Variants in FASTKD3 observed in about 807,000 individuals in gnomAD.
FASTKD3 encodes FAST kinase domain-containing protein 3, mitochondrial.
A neutral mutation model predicts 49.7 loss-of-function variants in FASTKD3; 47 were observed. That is an observed-to-expected ratio of 0.95 (90% confidence interval 0.75 to 1.21). The LOEUF (loss-of-function observed/expected upper bound fraction) is 1.21, where lower values mean the gene tolerates loss of function less well. Ranked by LOEUF, FASTKD3 falls within the 50% of genes most tolerant of loss-of-function variation. FASTKD3 has a pLI of 0.00. For synonymous variants in FASTKD3, 284 were observed against 288.6 expected (o/e 0.98, Z 0.16); for missense variants, 748 against 765.7 (o/e 0.98, Z 0.27).
intron 3 of FASTKD3, among the ~76,000 whole-genome samples, chr5:7,864,481 A>G (rs1746791117): frequency 6.6e-6 from 1 of 152,188 alleles, no homozygotes; most frequent in Non-Finnish European, 1.5e-5. Flanking sequence ...AAAAAGTAAT[A>G]AAAGAGTACA....
In FASTKD3 at chr5:7,859,360, CATT is replaced by C. The variant is rs1746369746; in HGVS notation, c.*72_*74del. On this transcript the variant is annotated 3_prime_UTR_variant, in exon 7 of 7. Coordinates refer to ENST00000264669, the MANE Select transcript of FASTKD3 (RefSeq NM_024091.4). Reference sequence around the variant, plus strand: ...CATATTCTGCAAAGTGGCTAATTCACATTATATTTTTCTTTTAATACTGAGTTC... The same window carrying C: ...CATATTCTGCAAAGTGGCTAATTCACATATTTTTCTTTTAATACTGAGTTC... 1 of 864,606 alleles carries C rather than the reference CATT, an allele frequency of 1.2e-6. No individual in the cohort carries two copies. The highest frequency in any genetic ancestry group is 2.6e-5 in the Admixed American group (1 of 38,216). 53.6% of individuals were successfully genotyped at this position (864,606 alleles called of 1,614,324 possible).
chr5:7,867,204 T>G lies in FASTKD3; in HGVS notation c.880A>C (p.Lys294Gln). ...SLSIVSNLSP[K>Q]LISQMLTALV... is the part of the protein sequence containing the mutation. ...GCAGTGAGCATTTGGCTAATCAATT[T>G]AGGACTCAGGTTGGAAACTATTGAT... The change falls in exon 2 of 7, where the codon AAA becomes CAA. Residue 294 changes from lysine to glutamine, a missense_variant. Lys to Gln is a moderately conservative substitution (Grantham distance 53). Around this residue, in one of 3 missense-constraint regions of FASTKD3, gnomAD observed 564 missense variants for 562.8 expected, o/e 1.00. Transcript: ENST00000264669. 2 of 1,614,174 alleles carry G rather than the reference T, an allele frequency of 1.2e-6. No individual in the cohort carries two copies. The highest frequency in any genetic ancestry group is 1.7e-6 in the Non-Finnish European group (2 of 1,180,028).
At position 7,868,113 on chromosome 5, in the gene FASTKD3, T is replaced by C. The variant is rs1747169664; in HGVS notation, c.-30A>G. Reference sequence around the variant, plus strand: ...TCAGATTCTCAATTTGATAACTAAATTAAAAAATTTAAAAACACATGGTTA... The same window carrying C: ...TCAGATTCTCAATTTGATAACTAAACTAAAAAATTTAAAAACACATGGTTA... On this transcript the variant is annotated 5_prime_UTR_variant, in exon 2 of 7. Coordinates refer to ENST00000264669, the MANE Select transcript of FASTKD3 (RefSeq NM_024091.4). 1 of 1,428,106 alleles carries C rather than the reference T, an allele frequency of 7.0e-7. No homozygotes were observed. The highest frequency in any genetic ancestry group is 1.4e-5 in the South Asian group (1 of 73,984). The allele number at this position is 1,428,106 out of a possible 1,614,324, so 88.5% of individuals were successfully genotyped here. A position where few individuals can be genotyped will look rare whatever the true frequency, so the allele number is the denominator to read the frequency against.
chr5:7,867,540 A>G lies in FASTKD3; in HGVS notation c.544T>C (p.Leu182=), dbSNP rs1209988594. 6.2e-7 allele frequency: 1 copy of G among 1,614,276 alleles called. No homozygotes were observed. Among genetic ancestry groups the G allele is most frequent in the Non-Finnish European group, 8.5e-7 (1 of 1,180,050 alleles). The change falls in exon 2 of 7, where the codon TTG becomes CTG. Residue 182 remains leucine, a synonymous_variant. Transcript: ENST00000264669. The part of the protein sequence containing the change: ...QLSNTSLVTA[L]QALILLHVDP... ...ACATGCAACAGAATCAGAGCTTGCA[A>G]AGCAGTCACTAAACTAGTGTTTGAC...
At position 7,867,141 on chromosome 5, in the gene FASTKD3, T is replaced by A; in HGVS notation, c.943A>T (p.Ile315Phe). 1 of 1,614,184 alleles carries A rather than the reference T, an allele frequency of 6.2e-7. No individual in the cohort carries two copies. ...ACGACATATTTGCCCAATTTTATAATCAGAGGAAATGCTTGACTTTGATCA... is the reference window on the plus strand; with the variant it reads ...ACGACATATTTGCCCAATTTTATAAACAGAGGAAATGCTTGACTTTGATCA... ...VLDQSQAFPL[I>F]IKLGKYVVRH... Residue 315 changes from isoleucine to phenylalanine, a missense_variant, in exon 2 of 7, where the codon ATT (isoleucine) becomes TTT (phenylalanine). Ile to Phe is a conservative substitution (Grantham distance 21). Coordinates refer to ENST00000264669, the MANE Select transcript of FASTKD3 (RefSeq NM_024091.4).
rs879569690 is a variant in FASTKD3, at chr5:7,863,937, G to A, written c.1525-940C>T. Among the ~76,000 whole-genome samples the A allele has an allele frequency of 2.6e-5, 4 of 152,110 alleles. No individual in the cohort carries two copies. The East Asian group carries it at 7.7e-4, about 29-fold the overall frequency. On this transcript the variant is annotated intron_variant, in intron 3 of 6. Coordinates refer to ENST00000264669, the MANE Select transcript of FASTKD3 (RefSeq NM_024091.4). ...GCGACCTCGGCTCACTGCAACCTCCGCCTCCTGGGTTGAGCGATTCTCCTA... is the reference window on the plus strand; with the variant it reads ...GCGACCTCGGCTCACTGCAACCTCCACCTCCTGGGTTGAGCGATTCTCCTA...
At position 7,862,864 on chromosome 5, in the gene FASTKD3, T is replaced by C; in HGVS notation, c.1658A>G (p.Tyr553Cys). 1 of 1,613,936 alleles carries C rather than the reference T, an allele frequency of 6.2e-7. No homozygotes were observed. The highest frequency in any genetic ancestry group is 1.1e-5 in the South Asian group (1 of 91,050). The change falls in exon 4 of 7, where the codon TAT (tyrosine) becomes TGT (cysteine). Residue 553 changes from tyrosine (Y) to cysteine (C), a missense_variant. Physicochemically the swap from Tyr to Cys is radical, Grantham distance 194 (BLOSUM62 -2). Coordinates refer to ENST00000264669, the MANE Select transcript of FASTKD3 (RefSeq NM_024091.4). Reference protein sequence around the residue: ...GLTNLLGARLYFAPKVLTPYC... With the variant: ...GLTNLLGARLCFAPKVLTPYC... ...GGGTGTCAACACTTTTGGAGCAAAA[T>C]ATAATCTTGCTCCTAAAAGGTTAGT...
At position 7,861,604 on chromosome 5, in the gene FASTKD3, G is replaced by A. The variant is rs773495015; in HGVS notation, c.1748C>T (p.Ala583Val). Reference protein sequence around the residue: ...DEEGFVLPSTANEDIHKRIAL... With the variant: ...DEEGFVLPSTVNEDIHKRIAL... ...GTACCTTTTATGGATATCTTCATTA[G>A]CTGTGGATGGCAATACAAATCCTTC... is the stretch of plus-strand genomic sequence containing the variant. Residue 583 changes from alanine (A) to valine (V), a missense_variant, in exon 5 of 7, where the codon GCT (alanine) becomes GTT (valine). By Grantham distance (64) the Ala-to-Val change is moderately conservative. This residue lies in a region of FASTKD3 where 178 missense variants were observed against 182.2 expected (regional missense o/e 0.98). Coordinates refer to ENST00000264669, the MANE Select transcript of FASTKD3 (RefSeq NM_024091.4). 3 of 1,602,370 alleles carry A rather than the reference G, an allele frequency of 1.9e-6. No homozygotes were observed. The highest frequency in any genetic ancestry group is 2.6e-6 in the Non-Finnish European group (3 of 1,174,396).
In FASTKD3 at chr5:7,868,162, C is replaced by T; in HGVS notation, c.-79G>A. On this transcript the variant is annotated 5_prime_UTR_variant, in exon 2 of 7. Coordinates refer to ENST00000264669, the MANE Select transcript of FASTKD3 (RefSeq NM_024091.4). ...TAAATACATTGAGAACATGATTGAC[C>T]CAACATCAATGTTTATGAAACTACA... 1.4e-6 allele frequency: 1 copy of T among 718,636 alleles called. No individual in the cohort carries two copies. The highest frequency in any genetic ancestry group is 2.1e-6 in the Non-Finnish European group (1 of 478,328). 44.5% of individuals were successfully genotyped at this position (718,636 alleles called of 1,614,324 possible). A position where few individuals can be genotyped will look rare whatever the true frequency, so the allele number is the denominator to read the frequency against.
rs77130393 is a variant in FASTKD3, at chr5:7,866,914, A to G, written c.1170T>C (p.Asn390=). ...GGCAAACAAAAGTTTCTGCCACTGC[A>G]TTGAGGATGGGTTTTGAAAGAATCA... ...RELILSKPIL[N]AVAETFVCQT... Residue 390 remains asparagine (N), a synonymous_variant, in exon 2 of 7, where the codon AAT becomes AAC. Transcript: ENST00000264669. The G allele has an allele frequency of 0.019, 30,361 of 1,614,182 alleles. 322 individuals are homozygous for G. The highest frequency in any genetic ancestry group is 0.023 in the Non-Finnish European group (26,712 of 1,180,026).
At chr5:7,864,147 G>A (rs1358936622) in intron 3 of FASTKD3, among the ~76,000 whole-genome samples, 6 of 152,120 alleles carry the variant, frequency 3.9e-5, no homozygotes, top group East Asian at 1.9e-4. Context: ...CACTGCGCAC[G>A]GCAAGAGTAC....
chr5:7,861,717 CATTCCTTTGCTTTGCTTTG>C, intron 4 of FASTKD3, 65 bp from the exon 5 acceptor site: 1 of 1,556,968 alleles, frequency 6.4e-7, no homozygotes. Context: ...TTCCTGTATT[CATTCCTTTGCTTTGCTTTG>C]ATTCCTTCCA....
intron 3 of FASTKD3, among the ~76,000 whole-genome samples, chr5:7,864,043 G>T (rs762589741): frequency 6.6e-6 from 1 of 152,124 alleles, no homozygotes; most frequent in Non-Finnish European, 1.5e-5. Context: ...TAGAGACAGG[G>T]TTTCACCATG....
chr5:7,864,257 A>C (rs1399813816), intron 3 of FASTKD3, among the ~76,000 whole-genome samples: 2 of 152,154 alleles, frequency 1.3e-5, no homozygotes, highest in East Asian at 1.9e-4. Flanking sequence ...ACATATTTCA[A>C]AACAACATGA....
rs1329617045 is a variant in FASTKD3, at chr5:7,868,926, G to A, written c.-114+53C>T. The stretch of plus-strand genomic sequence containing the variant: ...GCAGCCTGAGGAGAAAGCCGGCCAG[G>A]TCTTTGACACCCAGCCGGACCAACT... On this transcript the variant is annotated intron_variant, in intron 1 of 6. Coordinates refer to ENST00000264669, the MANE Select transcript of FASTKD3 (RefSeq NM_024091.4). 9.3e-6 allele frequency: 6 copies of A among 647,044 alleles called. No individual in the cohort carries two copies. In the East Asian group the frequency reaches 1.4e-4, roughly 15 times the overall value. 40.1% of individuals were successfully genotyped at this position (647,044 alleles called of 1,614,324 possible). A position where few individuals can be genotyped will look rare whatever the true frequency, so the allele number is the denominator to read the frequency against.
chr5:7,867,246 T>C lies in FASTKD3; in HGVS notation c.838A>G (p.Ile280Val), dbSNP rs1747030268. 1 of 1,613,920 alleles carries C rather than the reference T, an allele frequency of 6.2e-7. No homozygotes were observed. Among genetic ancestry groups the C allele is most frequent in the South Asian group, 1.1e-5 (1 of 91,092 alleles). The part of the protein sequence containing the change: ...VDEHQTFLNK[I>V]NNFSLSIVSN... Reference sequence around the variant, plus strand: ...ACTATTGATAGGGAAAAGTTGTTTATCTTATTTAAAAATGTTTGGTGTTCA... The same window carrying C: ...ACTATTGATAGGGAAAAGTTGTTTACCTTATTTAAAAATGTTTGGTGTTCA... The change falls in exon 2 of 7, where the codon ATA becomes GTA. Residue 280 changes from isoleucine to valine, a missense_variant. Around this residue, in one of 3 missense-constraint regions of FASTKD3, gnomAD observed 564 missense variants for 562.8 expected, o/e 1.00. Transcript: ENST00000264669.
At chr5:7,866,328 AGATAC>A (rs375820183) in intron 2 of FASTKD3, among the ~76,000 whole-genome samples, 9,715 of 150,684 alleles carry the variant, frequency 0.064, 398 homozygotes, top group Middle Eastern at 0.13. Flanking sequence ...AAAAAAAAAA[AGATAC>A]AGTTGCTCAC....
chr5:7,868,928 C>CT (rs1409360873), intron 1 of FASTKD3, 51 bp downstream of exon 1: 1 of 651,748 alleles, frequency 1.5e-6, no homozygotes, highest in Non-Finnish European at 2.8e-6. Flanking sequence ...CCGGCCAGGT[C>CT]TTTGACACCC....
At chr5:7,862,764 T>C in intron 4 of FASTKD3, 59 bp downstream of exon 4, 1 of 1,419,600 alleles carries the variant, frequency 7.0e-7, no homozygotes, top group Non-Finnish European at 9.7e-7. Context: ...GTCCCATATA[T>C]CTCCAAAATC....
Sources: gnomAD v4.1 joint callset for allele counts (sites outside exome capture counted in the v4.1 genomes callset) on GRCh38, gnomAD v4.1.1 for gene constraint, gnomAD v4.1.1 regional missense constraint, MANE v1.5 for transcripts, NCBI Gene and HGNC (gene_info 2026-07-23, HGNC 2026-07-21) for gene names.